The following BLTP1 variants were observed in gnomAD, a reference collection of about 807,000 sequenced individuals.
The protein encoded by BLTP1 is fragile site-associated protein.
At chr4:122,249,424 G>C in the BLTP1 span, 1 of 1,578,524 alleles carries the variant, frequency 6.3e-7, no homozygotes, top group Non-Finnish European at 8.6e-7. Flanking sequence ...CCAAATGTTT[G>C]TGTTTTTTAA....
chr4:122,305,400 A>G, the BLTP1 span: 1 of 953,186 alleles, frequency 1.0e-6, no homozygotes, highest in Non-Finnish European at 1.2e-6. Flanking sequence ...TCTATTTTAT[A>G]AAAATGAATG....
chr4:122,224,148 G>A, the BLTP1 span: 1 of 918,194 alleles, frequency 1.1e-6, no homozygotes, highest in Non-Finnish European at 1.3e-6. Flanking sequence ...TTAATCTCAT[G>A]ATTCTTAGAT....
At chr4:122,347,670 T>C in the BLTP1 span, 1 of 1,613,674 alleles carries the variant, frequency 6.2e-7, no homozygotes, top group South Asian at 1.1e-5. Context: ...ATGTGTTCAA[T>C]GAGCATATGA....
the BLTP1 span, chr4:122,200,296 C>T: frequency 2.9e-5 from 29 of 984,334 alleles, no homozygotes; most frequent in East Asian, 1.1e-4. Flanking sequence ...TGCCAAACTG[C>T]GCAGGATGTG....
chr4:122,309,390 GT>G, the BLTP1 span: 1 of 1,613,442 alleles, frequency 6.2e-7, no homozygotes, highest in Non-Finnish European at 8.5e-7. Flanking sequence ...TTTTGTATCC[GT>G]TTTGCTGATG....
the BLTP1 span, chr4:122,314,244 C>T: frequency 2.3e-6 from 1 of 440,806 alleles, no homozygotes. Context: ...TGTTAAAGCG[C>T]AGTATTCAGA....
chr4:122,196,806 AAT>A, the BLTP1 span: 1 of 1,349,674 alleles, frequency 7.4e-7, no homozygotes, highest in African/African-American at 1.5e-5. Flanking sequence ...TTATTATAAT[AAT>A]ATAGTAGAAA....
At chr4:122,166,533 G>C in the BLTP1 span, among the ~76,000 whole-genome samples, 9 of 152,088 alleles carry the variant, frequency 5.9e-5, no homozygotes, top group African/African-American at 1.9e-4. Flanking sequence ...GTTCTTTTGG[G>C]TTAGGATTGG....
chr4:122,198,010 G>A, the BLTP1 span: 1 of 984,650 alleles, frequency 1.0e-6, no homozygotes, highest in Non-Finnish European at 1.2e-6. Flanking sequence ...CATCATTAGT[G>A]TTTCTGTTGC....
the BLTP1 span, chr4:122,194,473 C>T: frequency 1.3e-6 from 1 of 780,268 alleles, no homozygotes; most frequent in African/African-American, 1.9e-5. Flanking sequence ...TCCTATAAGT[C>T]ATGCTATATT....
chr4:122,355,155 G>A, the BLTP1 span, among the ~76,000 whole-genome samples: 639 of 152,232 alleles, frequency 4.2e-3, 2 homozygotes, highest in African/African-American at 0.014. Context: ...GGGGAAGGGG[G>A]ATCTTTATGG....
At chr4:122,289,294 G>T in the BLTP1 span, 45 of 872,992 alleles carry the variant, frequency 5.2e-5, no homozygotes, top group Non-Finnish European at 7.3e-5. Context: ...CCAGCATTTG[G>T]ATATAGTTGT....
the BLTP1 span, among the ~76,000 whole-genome samples, chr4:122,217,672 G>A: frequency 6.6e-6 from 1 of 151,936 alleles, no homozygotes; most frequent in Non-Finnish European, 1.5e-5. Context: ...TTGATCTTTA[G>A]TTTCCTTTTT....
chr4:122,199,317 A>G, the BLTP1 span: 7 of 1,600,950 alleles, frequency 4.4e-6, no homozygotes, highest in Non-Finnish European at 6.0e-6. Flanking sequence ...TTCATTTTGT[A>G]ATTGTTTTCC....
At chr4:122,265,536 A>G in the BLTP1 span, among the ~76,000 whole-genome samples, 4 of 152,166 alleles carry the variant, frequency 2.6e-5, no homozygotes, top group Non-Finnish European at 4.4e-5. Context: ...AGATGGAGCA[A>G]AATCAGTAGA....
chr4:122,177,040 G>T, the BLTP1 span, among the ~76,000 whole-genome samples: 1 of 152,124 alleles, frequency 6.6e-6, no homozygotes, highest in African/African-American at 2.4e-5. Context: ...CATCATCCTT[G>T]ATTTCTCCTC....
At chr4:122,302,173 A>C in the BLTP1 span, 1 of 511,232 alleles carries the variant, frequency 2.0e-6, no homozygotes, top group African/African-American at 2.1e-5. Flanking sequence ...TAATGTATTC[A>C]ATCCATTGAA....
the BLTP1 span, among the ~76,000 whole-genome samples, chr4:122,314,931 C>T: frequency 6.6e-6 from 1 of 152,096 alleles, no homozygotes; most frequent in Non-Finnish European, 1.5e-5. Flanking sequence ...ACCAAGATCC[C>T]AACTGTCACC....
At chr4:122,220,792 C>A in the BLTP1 span, among the ~76,000 whole-genome samples, 1 of 152,102 alleles carries the variant, frequency 6.6e-6, no homozygotes, top group South Asian at 2.1e-4. Context: ...TTGGTAGGTT[C>A]TGTTGAGTAT....
Sources: gnomAD v4.1 joint callset for allele counts (sites outside exome capture counted in the v4.1 genomes callset) on GRCh38, gnomAD v4.1.1 for gene constraint, MANE v1.5 for transcripts, NCBI Gene and HGNC (gene_info 2026-07-23, HGNC 2026-07-21) for gene names.